The following ERAP1 variants were observed in gnomAD, a reference collection of about 807,000 sequenced individuals.
ERAP1 encodes the protein endoplasmic reticulum aminopeptidase 1.
In ERAP1, 86 loss-of-function variants were observed where a neutral mutation model predicts 103.7. The observed-to-expected ratio is 0.83, with a 90% CI of 0.70 to 0.99. The LOEUF is 0.99. Ranked by LOEUF, ERAP1 falls within the 50% of genes least tolerant of loss-of-function variation. ERAP1 has a pLI of 0.00. For missense variants in ERAP1, 1,009 were observed against 1,128.4 expected (o/e 0.89, Z 1.52); for synonymous variants, 398 against 402.4 (o/e 0.99, Z 0.13).
At chr5:96,821,894 G>C in the ERAP1 span, among the ~76,000 whole-genome samples, 125 of 152,338 alleles carry the variant, frequency 8.2e-4, 4 homozygotes, top group South Asian at 0.025. Context: ...AGACTTGTTG[G>C]TGGAAAGGCT....
chr5:96,806,697 T>C (rs914559940), intron 1 of ERAP1, among the ~76,000 whole-genome samples: 6 of 150,280 alleles, frequency 4.0e-5, no homozygotes, highest in Non-Finnish European at 8.9e-5. Flanking sequence ...TGGTGCGATC[T>C]TGGCTCACTG....
rs749550719 is a variant in ERAP1, at chr5:96,783,176, G to A, written c.2160C>T (p.Gly720=). ...TCCGCAGCATTCGCTCTGAGACTGA[G>A]CCCTCGTCTGTCCATGTCTGCTTAT... is the stretch of plus-strand genomic sequence containing the variant. The part of the protein sequence containing the change: ...LIDKQTWTDE[G]SVSERMLRSQ... The change falls in exon 15 of 19, where the codon GGC becomes GGT. Residue 720 remains glycine, a synonymous_variant. Coordinates refer to ENST00000443439, the MANE Select transcript of ERAP1 (RefSeq NM_001040458.3). 1.1e-5 allele frequency: 17 copies of A among 1,614,072 alleles called. No individual in the cohort carries two copies. The highest frequency in any genetic ancestry group is 1.7e-5 in the Admixed American group (1 of 60,010).
In ERAP1 at chr5:96,803,120, G is replaced by A. The variant is rs540450443; in HGVS notation, c.524+283C>T. ...CCTAGGAAACTAATACACAGTTCAG[G>A]AAAATTAAACATGTTTATTATGTCT... On this transcript the variant is annotated intron_variant, in intron 2 of 18. Coordinates refer to ENST00000443439, the MANE Select transcript of ERAP1 (RefSeq NM_001040458.3). 7.9e-4 allele frequency among the ~76,000 whole-genome samples: 120 copies of A among 152,230 alleles called. 2 individuals carry two copies. In the South Asian group the frequency reaches 0.022, roughly 28 times the overall value.
the ERAP1 span, chr5:96,903,395 A>G: frequency 6.2e-7 from 1 of 1,612,888 alleles, no homozygotes; most frequent in Admixed American, 1.7e-5. Flanking sequence ...GATCTACCTG[A>G]AAAGACCAGT....
Position 96,767,372 on chromosome 5 carries a change from C to T in ERAP1, c.2819-4144G>A, listed in dbSNP as rs192311983. 3.1e-4 allele frequency: 409 copies of T among 1,308,412 alleles called. 2 individuals carry two copies. In the African/African-American group the frequency reaches 5.5e-3, roughly 17 times the overall value. The allele number at this position is 1,308,412 out of a possible 1,614,324, so 81.1% of individuals were successfully genotyped here. ...AAGTCATGGGACAATAGATTCTCTACTGCCTAAACCTAAGTAAACCTTTAC... is the reference window on the plus strand; with the variant it reads ...AAGTCATGGGACAATAGATTCTCTATTGCCTAAACCTAAGTAAACCTTTAC... On this transcript the variant is annotated intron_variant, in intron 19 of 19. Coordinates refer to the ERAP1 transcript ENST00000296754.
chr5:96,933,213 T>TC, the ERAP1 span, among the ~76,000 whole-genome samples: 1 of 58,412 alleles, frequency 1.7e-5, no homozygotes, highest in Admixed American at 1.5e-4. Flanking sequence ...AACCACGTCT[T>TC]TTTTTTTTTT....
chr5:96,893,252 T>C, the ERAP1 span, among the ~76,000 whole-genome samples: 1 of 152,190 alleles, frequency 6.6e-6, no homozygotes, highest in African/African-American at 2.4e-5. Context: ...TGCAGTAAAT[T>C]ATTAAAGTCA....
At chr5:96,896,828 GC>G in the ERAP1 span, 1 of 1,238,366 alleles carries the variant, frequency 8.1e-7, no homozygotes, top group Non-Finnish European at 1.0e-6. Context: ...CTATAGAAAT[GC>G]TAAGAATGAT....
chr5:96,877,766 A>G, the ERAP1 span, among the ~76,000 whole-genome samples: 5,073 of 152,276 alleles, frequency 0.033, 126 homozygotes, highest in Middle Eastern at 0.11. Context: ...AAGCTAATAG[A>G]CCAATTATGA....
At chr5:96,926,830 G>T in the ERAP1 span, among the ~76,000 whole-genome samples, 69,287 of 151,882 alleles carry the variant, frequency 0.46, 15,883 homozygotes, top group Non-Finnish European at 0.49. Context: ...TTGTTTGTTT[G>T]TTTCAAGACA....
chr5:96,833,897 C>T, the ERAP1 span, among the ~76,000 whole-genome samples: 1 of 152,066 alleles, frequency 6.6e-6, no homozygotes, highest in Non-Finnish European at 1.5e-5. Context: ...TTCCTGTCCA[C>T]GTATCTTTGT....
the ERAP1 span, among the ~76,000 whole-genome samples, chr5:96,857,959 A>G: frequency 6.6e-6 from 1 of 152,226 alleles, no homozygotes; most frequent in Non-Finnish European, 1.5e-5. Context: ...GATCATGTGC[A>G]AAGGATAAAA....
chr5:96,856,242 C>T, the ERAP1 span, among the ~76,000 whole-genome samples: 2 of 139,332 alleles, frequency 1.4e-5, no homozygotes, highest in African/African-American at 5.4e-5. Context: ...TTATTTGAAC[C>T]CGGGAGGCGG....
At chr5:96,932,174 A>G in the ERAP1 span, among the ~76,000 whole-genome samples, 8 of 152,212 alleles carry the variant, frequency 5.3e-5, no homozygotes, top group African/African-American at 1.9e-4. Context: ...TATGCTACAA[A>G]TGGGTTACAA....
chr5:96,855,588 T>C, the ERAP1 span, among the ~76,000 whole-genome samples: 4 of 152,210 alleles, frequency 2.6e-5, no homozygotes, highest in East Asian at 1.9e-4. Flanking sequence ...TTCCTTTCCA[T>C]GACTTACAGA....
the ERAP1 span, among the ~76,000 whole-genome samples, chr5:96,878,705 A>G: frequency 1.3e-5 from 2 of 152,168 alleles, no homozygotes; most frequent in African/African-American, 2.4e-5. Context: ...AGGCAAGTGG[A>G]TCACCTGAGG....
chr5:96,819,708 A>C, the ERAP1 span, among the ~76,000 whole-genome samples: 1 of 152,182 alleles, frequency 6.6e-6, no homozygotes, highest in Non-Finnish European at 1.5e-5. Flanking sequence ...GACATACAAA[A>C]TAATCACCCT....
the ERAP1 span, chr5:96,901,509 G>A: frequency 5.1e-5 from 82 of 1,612,524 alleles, 1 homozygote; most frequent in Admixed American, 7.8e-4. Context: ...ATTTCAGCTC[G>A]CCTTTCTGGG....
chr5:96,894,527 T>C, the ERAP1 span, among the ~76,000 whole-genome samples: 1 of 152,160 alleles, frequency 6.6e-6, no homozygotes, highest in African/African-American at 2.4e-5. Flanking sequence ...ATTAGGCATA[T>C]AGACTAAATA....
Sources: gnomAD v4.1 joint callset for allele counts (sites outside exome capture counted in the v4.1 genomes callset) on GRCh38, gnomAD v4.1.1 for gene constraint, MANE v1.5 for transcripts, NCBI Gene and HGNC (gene_info 2026-07-23, HGNC 2026-07-21) for gene names.